Variants in FRMPD4 observed in about 807,000 individuals in gnomAD.
FRMPD4 encodes FERM and PDZ domain containing 4, also known as FERM and PDZ domain-containing protein 4.
In FRMPD4, 22 loss-of-function variants were observed where a neutral mutation model predicts 94.1. The observed-to-expected ratio is 0.23, with a 90% confidence interval of 0.17 to 0.33. FRMPD4 has a LOEUF of 0.33. Ranked by LOEUF, FRMPD4 falls within the 10% of genes least tolerant of loss-of-function variation. The pLI is 1.00. For missense variants in FRMPD4, 1,111 were observed against 1,339.9 expected (o/e 0.83, Z 2.67); for synonymous variants, 631 against 548.6 (o/e 1.15, Z -2.10).
intron 1 of FRMPD4, among the ~76,000 whole-genome samples, chrX:12,160,096 T>TGTGTGTGTGTGG (rs2056000255): frequency 1.8e-5 from 2 of 110,151 alleles, no homozygotes; most frequent in African/African-American, 6.6e-5. Context: ...TGTGTGTGTG[T>TGTGTGTGTGTGG]GTATGTGCCT....
intron 1 of FRMPD4, among the ~76,000 whole-genome samples, chrX:12,327,558 T>C (rs1378687525): frequency 1.8e-5 from 2 of 112,375 alleles, no homozygotes; most frequent in Non-Finnish European, 3.8e-5. Flanking sequence ...CTTTATATTA[T>C]ACAGCAATTA....
intron 3 of FRMPD4, among the ~76,000 whole-genome samples, chrX:12,069,552 G>A (rs781773614): frequency 3.8e-4 from 43 of 111,785 alleles, no homozygotes; most frequent in Non-Finnish European, 6.6e-4. Flanking sequence ...GGTTGGATGT[G>A]AGATATAGGG....
chrX:12,211,856 T>C (rs909198419), intron 1 of FRMPD4, among the ~76,000 whole-genome samples: 1 of 112,300 alleles, frequency 8.9e-6, no homozygotes, highest in African/African-American at 3.2e-5. Flanking sequence ...TATTTAAAAA[T>C]ACAATCAATT....
chrX:11,853,417 A>G (rs1169746405), intron 1 of FRMPD4, among the ~76,000 whole-genome samples: 1 of 111,063 alleles, frequency 9.0e-6, no homozygotes, highest in Non-Finnish European at 1.9e-5. Flanking sequence ...TAAAGAAAAA[A>G]CCCTTCAAAA....
chrX:12,435,063 T>G (rs1006314734), intron 1 of FRMPD4, among the ~76,000 whole-genome samples: 1 of 111,692 alleles, frequency 9.0e-6, no homozygotes, highest in African/African-American at 3.3e-5. Flanking sequence ...AGGCCTTTTA[T>G]TTCCGTTAAT....
At chrX:12,705,459 G>C in intron 11 of FRMPD4, among the ~76,000 whole-genome samples, 1 of 111,297 alleles carries the variant, frequency 9.0e-6, no homozygotes. Flanking sequence ...TTTTGTCTTA[G>C]TATCTGATTT....
chrX:12,088,488 T>C (rs1172496575), intron 3 of FRMPD4, among the ~76,000 whole-genome samples: 1 of 112,034 alleles, frequency 8.9e-6, no homozygotes, highest in Admixed American at 9.4e-5. Flanking sequence ...GACCAGCAAC[T>C]TGACTTCTAG....
At chrX:12,066,814 A>G (rs1351392706) in intron 3 of FRMPD4, among the ~76,000 whole-genome samples, 2 of 107,008 alleles carry the variant, frequency 1.9e-5, no homozygotes, top group Non-Finnish European at 3.8e-5. Flanking sequence ...TCTCTAGTTT[A>G]TATTCCAAAT....
intron 1 of FRMPD4, among the ~76,000 whole-genome samples, chrX:12,203,777 TC>T: frequency 8.9e-6 from 1 of 111,943 alleles, no homozygotes. Flanking sequence ...TGCATTTTTT[TC>T]CCCCAGGACA....
At chrX:11,894,480 T>A (rs2053891681) in intron 3 of FRMPD4, among the ~76,000 whole-genome samples, 1 of 112,349 alleles carries the variant, frequency 8.9e-6, no homozygotes, top group Non-Finnish European at 1.9e-5. Context: ...ACAACCATTT[T>A]AAAAATGATT....
intron 1 of FRMPD4, among the ~76,000 whole-genome samples, chrX:12,147,610 T>C (rs1001566270): frequency 8.9e-6 from 1 of 111,766 alleles, no homozygotes; most frequent in East Asian, 2.8e-4. Flanking sequence ...ATTTATGAAC[T>C]CTTCAAGGGC....
chrX:12,200,969 T>G (rs1482475245), intron 1 of FRMPD4, among the ~76,000 whole-genome samples: 2 of 112,251 alleles, frequency 1.8e-5, no homozygotes, highest in Non-Finnish European at 3.8e-5. Context: ...TAGACAAGTA[T>G]TATTTTGCGT....
At chrX:12,234,529 A>G (rs2057050190) in intron 1 of FRMPD4, among the ~76,000 whole-genome samples, 1 of 111,086 alleles carries the variant, frequency 9.0e-6, no homozygotes, top group Non-Finnish European at 1.9e-5. Context: ...GAGGTGCACT[A>G]ATACCACATA....
intron 1 of FRMPD4, among the ~76,000 whole-genome samples, chrX:12,305,844 G>A (rs1185896433): frequency 9.5e-6 from 1 of 104,750 alleles, no homozygotes; most frequent in Non-Finnish European, 1.9e-5. Context: ...TGGGATTATA[G>A]GTTTGAGTCA....
intron 4 of FRMPD4, among the ~76,000 whole-genome samples, chrX:12,615,718 T>G (rs1362445656): frequency 9.0e-6 from 1 of 111,484 alleles, no homozygotes; most frequent in Non-Finnish European, 1.9e-5. Flanking sequence ...CAGAACACTT[T>G]TCACTGAAGA....
At chrX:12,096,025 A>C (rs1053140877) in intron 3 of FRMPD4, among the ~76,000 whole-genome samples, 4 of 112,111 alleles carry the variant, frequency 3.6e-5, no homozygotes, top group African/African-American at 9.7e-5. Context: ...TGGGTAGCTA[A>C]TAAGCTTCAC....
At chrX:12,026,326 C>T (rs1306835123) in intron 3 of FRMPD4, among the ~76,000 whole-genome samples, 1 of 110,830 alleles carries the variant, frequency 9.0e-6, no homozygotes, top group African/African-American at 3.3e-5. Flanking sequence ...CACTGAGGTC[C>T]TTTTTTAAGT....
chrX:12,564,598 A>G (rs1379061874), intron 2 of FRMPD4, among the ~76,000 whole-genome samples: 3 of 112,168 alleles, frequency 2.7e-5, no homozygotes, highest in African/African-American at 9.7e-5. Context: ...TACTTAGTAT[A>G]ATAAGTGAAC....
intron 1 of FRMPD4, among the ~76,000 whole-genome samples, chrX:12,236,981 C>T (rs1231694174): frequency 9.0e-6 from 1 of 111,688 alleles, no homozygotes; most frequent in Non-Finnish European, 1.9e-5. Context: ...GCTAAACATC[C>T]TACAATGCAC....
Sources: gnomAD v4.1 joint callset for allele counts (sites outside exome capture counted in the v4.1 genomes callset) on GRCh38, gnomAD v4.1.1 for gene constraint, MANE v1.5 for transcripts, NCBI Gene and HGNC (gene_info 2026-07-23, HGNC 2026-07-21) for gene names.